The following SIDT2 variants were observed in gnomAD, a reference collection of about 807,000 sequenced individuals.
SIDT2 encodes SID1 transmembrane family member 2, also known as SID1 transmembrane family, member 2.
Under a neutral mutation model 114.4 loss-of-function variants are expected in SIDT2, and 68 were observed. That is an observed-to-expected ratio of 0.59 (90% confidence interval 0.49 to 0.73). SIDT2 has a LOEUF of 0.73. Ranked by LOEUF, SIDT2 falls within the 30% of genes least tolerant of loss-of-function variation. The probability of loss-of-function intolerance (pLI) is 0.00; values close to 1 mark genes in which losing one functional copy is unlikely to be tolerated. For missense variants in SIDT2, 918 were observed against 1,097.1 expected (o/e 0.84, Z 2.31); for synonymous variants, 470 against 438.4 (o/e 1.07, Z -0.90).
In SIDT2 at chr11:117,187,358, A is replaced by C. The variant is rs1263992634; in HGVS notation, c.1016-20A>C. The stretch of plus-strand genomic sequence containing the variant: ...CTCTCTCTTCGTCCAGTGCTAACAG[A>C]CCTTGACTTCTCATTGCAGGTCACC... On this transcript the variant is annotated intron_variant, in intron 10 of 25. Transcript: ENST00000324225. 6.2e-7 allele frequency: 1 copy of C among 1,612,360 alleles called. No individual in the cohort carries two copies. Among genetic ancestry groups the C allele is most frequent in the Admixed American group, 1.7e-5 (1 of 59,976 alleles).
In SIDT2 at chr11:117,188,926, C is replaced by T. The variant is rs1018683056; in HGVS notation, c.1278+100C>T. The T allele has an allele frequency of 7.2e-6, 9 of 1,256,732 alleles. No homozygotes were observed. In the Middle Eastern group the frequency reaches 1.1e-3, roughly 155 times the overall value. 77.8% of individuals were successfully genotyped at this position (1,256,732 alleles called of 1,614,324 possible). A position where few individuals can be genotyped will look rare whatever the true frequency, so the allele number is the denominator to read the frequency against. Reference sequence around the variant, plus strand: ...CCCACTGACGTGGCATTTAGGGAAGCAGAAGGAAGGGGCTCAGCTGGGGCA... The same window carrying T: ...CCCACTGACGTGGCATTTAGGGAAGTAGAAGGAAGGGGCTCAGCTGGGGCA... On this transcript the variant is annotated intron_variant, in intron 13 of 25. Transcript: ENST00000324225. This position sits in a 1 kb window ranked among gnomAD's most constrained non-coding sequence, Gnocchi z 4.0.
chr11:117,195,085 C>CAAAAAAAAAAAAAAAAAAAAAAAAA (rs55970874), intron 24 of SIDT2, among the ~76,000 whole-genome samples: 1 of 45,700 alleles, frequency 2.2e-5, no homozygotes, highest in African/African-American at 6.3e-5. Context: ...GACTCTGTCT[C>CAAAAAAAAAAAAAAAAAAAAAAAAA]AAAAAAAAAA....
intron 24 of SIDT2, among the ~76,000 whole-genome samples, chr11:117,194,723 C>T (rs565164363): frequency 6.6e-6 from 1 of 152,278 alleles, no homozygotes; most frequent in African/African-American, 2.4e-5. Context: ...AGAGGACTAA[C>T]GGGTCTCTCC....
At chr11:117,184,982 C>G (rs931759585) in intron 8 of SIDT2, among the ~76,000 whole-genome samples, 4 of 151,928 alleles carry the variant, frequency 2.6e-5, no homozygotes, top group African/African-American at 9.7e-5. Flanking sequence ...CCACCTTGGC[C>G]TCCCAGAGTG....
rs766799862 is a variant in SIDT2, at chr11:117,187,699, G to C, written c.1159G>C (p.Gly387Arg). 3.3e-5 allele frequency: 54 copies of C among 1,613,766 alleles called. No homozygotes were observed. Among genetic ancestry groups the C allele is most frequent in the Non-Finnish European group, 4.0e-5 (47 of 1,179,904 alleles). The stretch of plus-strand genomic sequence containing the variant: ...TGGGGACCTCTCTTACGGTTACCAG[G>C]GTGAGTGGGCCAGGCTGGGAGGGGC... The part of the protein sequence containing the change: ...GTGDLSYGYQ[G>R]RSFEPVGTRP... The change falls in exon 12 of 26, where the codon GGC (glycine) becomes CGC (arginine). Residue 387 changes from glycine to arginine, a missense_variant and splice_region_variant. By Grantham distance (125) the Gly-to-Arg change is moderately radical (BLOSUM62 -2). Coordinates refer to ENST00000324225, the MANE Select transcript of SIDT2 (RefSeq NM_001040455.2).
chr11:117,182,760 T>A lies in SIDT2; in HGVS notation c.656T>A (p.Ile219Asn). 6.2e-7 allele frequency: 1 copy of A among 1,614,186 alleles called. No homozygotes were observed. Among genetic ancestry groups the A allele is most frequent in the Non-Finnish European group, 8.5e-7 (1 of 1,180,034 alleles). The change falls in exon 6 of 26, where the codon ATC becomes AAC. Residue 219 changes from isoleucine (I) to asparagine (N), a missense_variant. This residue lies in a region of SIDT2 where 553 missense variants were observed against 600.1 expected (regional missense o/e 0.92). Coordinates refer to ENST00000324225, the MANE Select transcript of SIDT2 (RefSeq NM_001040455.2). Reference sequence around the variant, plus strand: ...GACCTGGACAACAACGTAGCCTTCATCGGCATGTACCAGACGATGACCAAG... The same window carrying A: ...GACCTGGACAACAACGTAGCCTTCAACGGCATGTACCAGACGATGACCAAG... ...VYDLDNNVAF[I>N]GMYQTMTKKA...
intron 15 of SIDT2, 25 bp from the exon 16 acceptor site, chr11:117,189,927 C>G (rs1175222407): frequency 2.5e-6 from 4 of 1,612,484 alleles, no homozygotes; most frequent in South Asian, 1.1e-5. Context: ...GACAGACCCA[C>G]TCCCTGTCCC....
In SIDT2 at chr11:117,192,435, G is replaced by A. The variant is rs1020163952; in HGVS notation, c.1981+73G>A. On this transcript the variant is annotated intron_variant, in intron 20 of 25. Transcript: ENST00000324225. This position sits in a 1 kb window ranked among gnomAD's most constrained non-coding sequence, Gnocchi z 5.9. ...TTGGGAACCCGGACGCACGGGAGAC[G>A]CTCAGGTTCTGTCTTGGGGGCCCTG... The A allele has an allele frequency of 3.2e-5, 44 of 1,391,412 alleles. No individual in the cohort carries two copies. Among genetic ancestry groups the A allele is most frequent in the African/African-American group, 4.3e-5 (3 of 70,430 alleles). The allele number at this position is 1,391,412 out of a possible 1,614,324, so 86.2% of individuals were successfully genotyped here. A position where few individuals can be genotyped will look rare whatever the true frequency, so the allele number is the denominator to read the frequency against.
Position 117,191,996 on chromosome 11 carries a change from C to T in SIDT2, c.1854C>T (p.Phe618=), listed in dbSNP as rs1403711457. The change falls in exon 19 of 26, where the codon TTC becomes TTT. Residue 618 remains phenylalanine, a synonymous_variant. Transcript: ENST00000324225. ...ACGCCTGCCTGGCCATTGTCATCTT[C>T]TTCTCTGTGCTGGGCGTGGTGAGGG... is the stretch of plus-strand genomic sequence containing the variant. ...SAYACLAIVI[F]FSVLGVVFGK... is the part of the protein sequence containing the mutation. The T allele has an allele frequency of 1.2e-6, 2 of 1,614,192 alleles. No individual in the cohort carries two copies. Among genetic ancestry groups the T allele is most frequent in the Admixed American group, 1.7e-5 (1 of 60,024 alleles).
At position 117,190,344 on chromosome 11, in the gene SIDT2, C is replaced by A; in HGVS notation, c.1617+55C>A. 6.6e-7 allele frequency: 1 copy of A among 1,518,970 alleles called. No individual in the cohort carries two copies. Among genetic ancestry groups the A allele is most frequent in the Non-Finnish European group, 8.8e-7 (1 of 1,135,434 alleles). 94.1% of individuals were successfully genotyped at this position (1,518,970 alleles called of 1,614,324 possible). ...CCTCAGCTCCAGCACAGACCTCAAG[C>A]CTTGGCTCCAGGACACCCTTTTGGG... On this transcript the variant is annotated intron_variant, in intron 17 of 25. Transcript: ENST00000324225. This position sits in a 1 kb window ranked among gnomAD's most constrained non-coding sequence, Gnocchi z 4.1.
At position 117,182,108 on chromosome 11, in the gene SIDT2, A is replaced by G. The variant is rs1486135538; in HGVS notation, c.516+3A>G. 1.9e-6 allele frequency: 3 copies of G among 1,613,862 alleles called. No individual in the cohort carries two copies. Among genetic ancestry groups the G allele is most frequent in the Admixed American group, 1.7e-5 (1 of 60,016 alleles). ...ATACCACAGCAGCACAGCCCCAGGT[A>G]ACATCTCCCTGTTGATTGCTCGAGA... On this transcript the variant is annotated splice_donor_region_variant and intron_variant, in intron 4 of 25. Coordinates refer to ENST00000324225, the MANE Select transcript of SIDT2 (RefSeq NM_001040455.2).
At position 117,194,118 on chromosome 11, in the gene SIDT2, T is replaced by C. The variant is rs572981444; in HGVS notation, c.2322+155T>C. 23 of 587,520 alleles carry C rather than the reference T, an allele frequency of 3.9e-5. No individual in the cohort carries two copies. The South Asian group carries it at 4.8e-4, about 12-fold the overall frequency. 36.4% of individuals were successfully genotyped at this position (587,520 alleles called of 1,614,324 possible). The stretch of plus-strand genomic sequence containing the variant: ...GCGTTCAAGACCAGCCTGGGCAATA[T>C]AGTAAGAACCCGTCTCTACAAAAAA... On this transcript the variant is annotated intron_variant, in intron 24 of 25. Transcript: ENST00000324225.
intron 1 of SIDT2, 158 bp downstream of exon 1, chr11:117,179,604 C>A: frequency 1.5e-6 from 1 of 658,590 alleles, no homozygotes. Flanking sequence ...GACCAGTCCT[C>A]CTTCCTTTGC....
chr11:117,186,815 A>G (rs1280191570), intron 10 of SIDT2, among the ~76,000 whole-genome samples, 179 bp downstream of exon 10: 8 of 152,038 alleles, frequency 5.3e-5, no homozygotes, highest in Non-Finnish European at 7.4e-5. Flanking sequence ...CATCCCTAAC[A>G]TGCACACCTC....
In SIDT2 at chr11:117,189,389, C is replaced by A. The variant is rs1485500187; in HGVS notation, c.1407C>A (p.Ile469=). ...CCCTTCCTGTGGTGCAGCTGGTGAT[C>A]ACCTACCAGACGGTGAGAGGGCAGG... The part of the protein sequence containing the change: ...FYALPVVQLV[I]TYQTVVNVTG... The change falls in exon 15 of 26, where the codon ATC becomes ATA. Residue 469 remains isoleucine (I), a synonymous_variant. Transcript: ENST00000324225. The A allele has an allele frequency of 6.2e-7, 1 of 1,613,952 alleles. No individual in the cohort carries two copies. Among genetic ancestry groups the A allele is most frequent in the Admixed American group, 1.7e-5 (1 of 59,988 alleles).
Position 117,182,527 on chromosome 11 carries a change from G to A in SIDT2, c.525G>A (p.Lys175=), listed in dbSNP as rs2030330292. 2 of 1,614,184 alleles carry A rather than the reference G, an allele frequency of 1.2e-6. No individual in the cohort carries two copies. Among genetic ancestry groups the A allele is most frequent in the Middle Eastern group, 1.6e-4 (1 of 6,062 alleles). ...NTTAAQPQYF[K]YEFPEGVDSV... ...CCTTCCTGCACCCTCAGTACTTCAA[G>A]TATGAGTTCCCTGAAGGCGTGGACT... Residue 175 remains lysine, a synonymous_variant, in exon 5 of 26, where the codon AAG becomes AAA. Coordinates refer to ENST00000324225, the MANE Select transcript of SIDT2 (RefSeq NM_001040455.2).
intron 6 of SIDT2, 80 bp from the exon 7 acceptor site, chr11:117,183,699 T>C: frequency 9.6e-7 from 1 of 1,046,820 alleles, no homozygotes; most frequent in Non-Finnish European, 1.5e-6. Context: ...TTTAGCATAA[T>C]GTCTGGCCCC....
At position 117,192,831 on chromosome 11, in the gene SIDT2, G is replaced by T; in HGVS notation, c.2070G>T (p.Val690=). 1.2e-6 allele frequency: 2 copies of T among 1,614,188 alleles called. No homozygotes were observed. Among genetic ancestry groups the T allele is most frequent in the Non-Finnish European group, 1.7e-6 (2 of 1,180,040 alleles). ...CSGPLYVDRM[V]LLVMGNVINW... ...CTGCTTCCCTCCAGGACCGCATGGT[G>T]CTGCTGGTCATGGGCAACGTCATCA... The change falls in exon 22 of 26, where the codon GTG becomes GTT. Residue 690 remains valine, a synonymous_variant. Transcript: ENST00000324225. The surrounding 1 kb of genome is among the most constrained non-coding windows in gnomAD (Gnocchi z 5.9).
intron 3 of SIDT2, 26 bp from the exon 4 acceptor site, chr11:117,182,034 G>A (rs1485194909): frequency 6.2e-7 from 1 of 1,614,048 alleles, no homozygotes. Context: ...GGGGGTGACT[G>A]GTGGGGGCTC....
Sources: gnomAD v4.1 joint callset for allele counts (sites outside exome capture counted in the v4.1 genomes callset) on GRCh38, gnomAD v4.1.1 for gene constraint, gnomAD v4.1.1 regional missense constraint, Gnocchi (gnomAD v3.1) non-coding constraint, MANE v1.5 for transcripts, NCBI Gene and HGNC (gene_info 2026-07-23, HGNC 2026-07-21) for gene names.